SERPINB4: variants seen among roughly 807,000 people sequenced by gnomAD.
SERPINB4 encodes the protein serpin B4.
SERPINB4 carries 39 observed loss-of-function variants against 33.2 expected under a neutral mutation model. That is an observed-to-expected ratio of 1.18 (90% CI 0.91 to 1.53). The LOEUF is 1.53. Among genes scored for constraint, SERPINB4 ranks in the 40% most tolerant of loss-of-function variants. SERPINB4 has a pLI of 0.00. For synonymous variants in SERPINB4, 191 were observed against 166.4 expected, an observed-to-expected ratio of 1.15 and a Z score of -1.14; for missense variants, 564 against 455.4, an observed-to-expected ratio of 1.24 and a Z score of -2.17.
At position 63,640,858 on chromosome 18, in the gene SERPINB4, T is replaced by C; in HGVS notation, c.469+16A>G. The C allele has an allele frequency of 1.2e-6, 2 of 1,600,388 alleles. No homozygotes were observed. The highest frequency in any genetic ancestry group is 1.7e-6 in the Non-Finnish European group (2 of 1,168,836). ...AGGTTTCTCAAAGGTGTTTCTATAA[T>C]GGGTGGCTCTCCTACCATTCGTTTG... is the stretch of plus-strand genomic sequence containing the variant. On this transcript the variant is annotated intron_variant, in intron 5 of 7. Transcript: ENST00000341074.
chr18:63,638,221 T>A, intron 7 of SERPINB4, 98 bp from the exon 8 acceptor site: 1 of 1,379,380 alleles, frequency 7.2e-7, no homozygotes, highest in Non-Finnish European at 9.7e-7. Context: ...ATTTTGGCAA[T>A]AAATGTGAAA....
chr18:63,643,282 C>T, intron 2 of SERPINB4, 65 bp from the exon 3 acceptor site: 1 of 1,612,272 alleles, frequency 6.2e-7, no homozygotes, highest in Non-Finnish European at 8.5e-7. Context: ...TCAGTGGTCT[C>T]ACAGTTATGG....
rs768662446 is a variant in SERPINB4 at position 63,637,894 on chromosome 18, A to C, written c.998T>G (p.Phe333Cys). Residue 333 changes from phenylalanine to cysteine, a missense_variant, in exon 8 of 8, where the codon TTT (phenylalanine) becomes TGT (cysteine). Physicochemically the swap from Phe to Cys is radical, Grantham distance 205. Coordinates refer to ENST00000341074, the MANE Select transcript of SERPINB4 (RefSeq NM_002974.4). ...LSVSKVLHKA[F>C]VEVTEEGVEA... The stretch of plus-strand genomic sequence containing the variant: ...CACTCCCTCCTCAGTGACCTCCACA[A>C]AGGCCTTGTGTAGGACTTTAGATAC... 1 of 1,613,608 alleles carries C rather than the reference A, an allele frequency of 6.2e-7. No individual in the cohort carries two copies.
rs868227362 is a variant in SERPINB4 at position 63,639,205 on chromosome 18, C to T, written c.748G>A (p.Glu250Lys). ...CTTACCTTCTGCAGACCATCGATTTCATTTGGCAGCAGCACAATCATGCTT... is the reference window on the plus strand; with the variant it reads ...CTTACCTTCTGCAGACCATCGATTTTATTTGGCAGCAGCACAATCATGCTT... ...DLSMIVLLPN[E>K]IDGLQKLEEK... Residue 250 changes from glutamate (E) to lysine (K), a missense_variant, in exon 7 of 8, where the codon GAA becomes AAA. Glu to Lys is a moderately conservative substitution (Grantham distance 56). Transcript: ENST00000341074. 6.2e-7 allele frequency: 1 copy of T among 1,609,198 alleles called. No homozygotes were observed. Among genetic ancestry groups the T allele is most frequent in the Non-Finnish European group, 8.5e-7 (1 of 1,176,832 alleles).
chr18:63,638,377 C>T (rs1913010888), intron 7 of SERPINB4, among the ~76,000 whole-genome samples: 2 of 151,828 alleles, frequency 1.3e-5, no homozygotes, highest in Admixed American at 6.6e-5. Flanking sequence ...TATATGTGTA[C>T]ATATGTATGT....
In SERPINB4 at chr18:63,638,019, C is replaced by T. The variant is rs1912994011; in HGVS notation, c.873G>A (p.Glu291=). 5.0e-6 allele frequency: 8 copies of T among 1,613,644 alleles called. No individual in the cohort carries two copies. The highest frequency in any genetic ancestry group is 1.3e-5 in the African/African-American group (1 of 74,998). The change falls in exon 8 of 8, where the codon GAG becomes GAA. Residue 291 remains glutamate, a synonymous_variant. Coordinates refer to ENST00000341074, the MANE Select transcript of SERPINB4 (RefSeq NM_002974.4). The stretch of plus-strand genomic sequence containing the variant: ...TCAACGTGTCCTTGAGGTCATAGCT[C>T]TCTTCCATTTTGAACCGAGGTAAGT... The part of the protein sequence containing the change: ...DLHLPRFKME[E]SYDLKDTLRT...
At position 63,639,196 on chromosome 18, in the gene SERPINB4, C is replaced by A. The variant is rs1321762613; in HGVS notation, c.757G>T (p.Gly253Cys). The change falls in exon 7 of 8, where the codon GGT becomes TGT. Residue 253 changes from glycine (G) to cysteine (C), a missense_variant. Gly to Cys is a radical substitution (Grantham distance 159). Coordinates refer to ENST00000341074, the MANE Select transcript of SERPINB4 (RefSeq NM_002974.4). Reference sequence around the variant, plus strand: ...ATGCAAGTTCTTACCTTCTGCAGACCATCGATTTCATTTGGCAGCAGCACA... The same window carrying A: ...ATGCAAGTTCTTACCTTCTGCAGACAATCGATTTCATTTGGCAGCAGCACA... ...MIVLLPNEID[G>C]LQKLEEKLTA... The A allele has an allele frequency of 2.5e-6, 4 of 1,607,564 alleles. No homozygotes were observed. Among genetic ancestry groups the A allele is most frequent in the Non-Finnish European group, 3.4e-6 (4 of 1,176,030 alleles).
chr18:63,642,945 C>G (rs1416377896), intron 3 of SERPINB4: 5 of 592,232 alleles, frequency 8.4e-6, no homozygotes, highest in Non-Finnish European at 1.5e-5. Flanking sequence ...TGATCCAGAC[C>G]TATGCTCTGA....
At position 63,637,959 on chromosome 18, in the gene SERPINB4, A is replaced by C; in HGVS notation, c.933T>G (p.Asp311Glu). 1 of 1,613,632 alleles carries C rather than the reference A, an allele frequency of 6.2e-7. No individual in the cohort carries two copies. The highest frequency in any genetic ancestry group is 1.3e-5 in the African/African-American group (1 of 74,992). ...TMGMVNIFNG[D>E]ADLSGMTWSH... The stretch of plus-strand genomic sequence containing the variant: ...TCCAGGTCATGCCTGAGAGGTCTGC[A>C]TCCCCATTGAAGATATTCACCATTC... The change falls in exon 8 of 8, where the codon GAT becomes GAG. Residue 311 changes from aspartate to glutamate, a missense_variant. Coordinates refer to ENST00000341074, the MANE Select transcript of SERPINB4 (RefSeq NM_002974.4).
Position 63,639,666 on chromosome 18 carries a change from T to C in SERPINB4, c.580A>G (p.Asn194Asp), listed in dbSNP as rs1284013254. 3 of 1,610,508 alleles carry C rather than the reference T, an allele frequency of 1.9e-6. No individual in the cohort carries two copies. The highest frequency in any genetic ancestry group is 1.3e-5 in the African/African-American group (1 of 74,810). Residue 194 changes from asparagine to aspartate, a missense_variant, in exon 6 of 8, where the codon AAC becomes GAC. Physicochemically the swap from Asn to Asp is conservative, Grantham distance 23. Coordinates refer to ENST00000341074, the MANE Select transcript of SERPINB4 (RefSeq NM_002974.4). ...GGCCAAAATTTTTCCTCTTTAGTGT[T>C]TTCTTTTTTAAATTTATTCTCCCAC... ...GQWENKFKKENTKEEKFWPNK... is the reference protein window; with the variant it reads ...GQWENKFKKEDTKEEKFWPNK...
Position 63,639,694 on chromosome 18 carries a change from C to A in SERPINB4, c.552G>T (p.Gly184=), listed in dbSNP as rs747314424. 3 of 1,611,648 alleles carry A rather than the reference C, an allele frequency of 1.9e-6. No homozygotes were observed. In the Admixed American group the frequency reaches 5.0e-5, roughly 27 times the overall value. Residue 184 remains glycine, a synonymous_variant, in exon 6 of 8, where the codon GGG becomes GGT. Transcript: ENST00000341074. Reference sequence around the variant, plus strand: ...CTTTTTTAAATTTATTCTCCCACTGCCCTTTGAAATAGATTGCGTTCACAA... The same window carrying A: ...CTTTTTTAAATTTATTCTCCCACTGACCTTTGAAATAGATTGCGTTCACAA... ...LVLVNAIYFK[G]QWENKFKKEN...
At chr18:63,643,337 C>G (rs1598930025) in intron 2 of SERPINB4, 76 bp downstream of exon 2, 1 of 1,609,632 alleles carries the variant, frequency 6.2e-7, no homozygotes, top group East Asian at 2.2e-5. Flanking sequence ...ACCACCACAT[C>G]TATTACCATC....
intron 1 of SERPINB4, among the ~76,000 whole-genome samples, chr18:63,643,887 T>A (rs542863694): frequency 7.9e-5 from 12 of 152,206 alleles, no homozygotes; most frequent in South Asian, 4.1e-4. Flanking sequence ...CTAGGTAGGA[T>A]GGCTTTACAA....
chr18:63,637,755 G>A lies in SERPINB4; in HGVS notation c.1137C>T (p.Asn379=), dbSNP rs758543465. 6.2e-6 allele frequency: 10 copies of A among 1,612,584 alleles called. No homozygotes were observed. Among genetic ancestry groups the A allele is most frequent in the Middle Eastern group, 3.3e-4 (2 of 6,064 alleles). Residue 379 remains asparagine, a synonymous_variant, in exon 8 of 8, where the codon AAC becomes AAT. Coordinates refer to ENST00000341074, the MANE Select transcript of SERPINB4 (RefSeq NM_002974.4). ...FLFFIRQNKT[N]SILFYGRFSS... ...AGAATCTGCCATAGAAGAGGATGCT[G>A]TTGGTCTTATTTTGCCTTATGAAGA...
chr18:63,641,759 C>T lies in SERPINB4; in HGVS notation c.351+1G>A, dbSNP rs1913138888. 6.2e-7 allele frequency: 1 copy of T among 1,613,200 alleles called. No homozygotes were observed. The stretch of plus-strand genomic sequence containing the variant: ...AATGTGGGTAGGCCAGGTGAAATTA[C>T]CTGTAAAAATTGATACGTCTTTTCT... On this transcript the variant is annotated splice_donor_variant, in intron 4 of 7. Coordinates refer to ENST00000341074, the MANE Select transcript of SERPINB4 (RefSeq NM_002974.4). LOFTEE classifies it high-confidence loss of function.
intron 3 of SERPINB4, 27 bp from the exon 4 acceptor site, chr18:63,641,915 T>G: frequency 1.2e-6 from 2 of 1,611,122 alleles, no homozygotes; most frequent in Non-Finnish European, 1.7e-6. Flanking sequence ...GGGAGATCAT[T>G]CAATTGCTGT....
In SERPINB4 at chr18:63,637,714, T is replaced by C; in HGVS notation, c.*5A>G. 3.8e-6 allele frequency: 6 copies of C among 1,589,866 alleles called. No homozygotes were observed. Among genetic ancestry groups the C allele is most frequent in the Non-Finnish European group, 5.1e-6 (6 of 1,167,698 alleles). On this transcript the variant is annotated 3_prime_UTR_variant, in exon 8 of 8. Transcript: ENST00000341074. ...TTTCTAAATGGAGTGACAGACTAAT[T>C]GCATCTATGGGGATGAGAATCTGCC... is the stretch of plus-strand genomic sequence containing the variant.
rs1050744075 is a variant in SERPINB4 at position 63,640,800 on chromosome 18, C to G, written c.469+74G>C. 22 of 1,270,174 alleles carry G rather than the reference C, an allele frequency of 1.7e-5. No homozygotes were observed. The African/African-American group carries it at 2.4e-4, about 14-fold the overall frequency. 78.7% of individuals were successfully genotyped at this position (1,270,174 alleles called of 1,614,324 possible). Reference sequence around the variant, plus strand: ...CATCTCAATCCCCACACCTGTTCCCCCATGCAGTGTCAAGCACAAGGCTCA... The same window carrying G: ...CATCTCAATCCCCACACCTGTTCCCGCATGCAGTGTCAAGCACAAGGCTCA... On this transcript the variant is annotated intron_variant, in intron 5 of 7. Coordinates refer to ENST00000341074, the MANE Select transcript of SERPINB4 (RefSeq NM_002974.4).
At chr18:63,643,628 A>C in intron 1 of SERPINB4, 25 bp from the exon 2 acceptor site, 1 of 1,587,374 alleles carries the variant, frequency 6.3e-7, no homozygotes, top group Non-Finnish European at 8.6e-7. Flanking sequence ...GATTCCTGTC[A>C]GAATGACTTT....
Sources: gnomAD v4.1 joint callset for allele counts (sites outside exome capture counted in the v4.1 genomes callset) on GRCh38, gnomAD v4.1.1 for gene constraint, MANE v1.5 for transcripts, NCBI Gene and HGNC (gene_info 2026-07-23, HGNC 2026-07-21) for gene names.